SPAG17: variants seen among roughly 807,000 people sequenced by gnomAD.
The protein encoded by SPAG17 is sperm-associated antigen 17.
In SPAG17, 169 loss-of-function variants were observed where a neutral mutation model predicts 273.6. The ratio of observed to expected loss-of-function variants is 0.62; its 90% CI spans 0.55 to 0.70. The LOEUF (loss-of-function observed/expected upper bound fraction) is 0.70. Among genes scored for constraint, SPAG17 ranks in the 30% least tolerant of loss-of-function variants. The pLI, the probability that SPAG17 is intolerant of heterozygous loss-of-function variation, is 0.00. For missense variants in SPAG17, 2,557 were observed against 2,627.8 expected (o/e 0.97, Z 0.59); for synonymous variants, 825 against 873.2 (o/e 0.94, Z 0.97).
intron 4 of SPAG17, among the ~76,000 whole-genome samples, chr1:118,107,181 C>T (rs971994134): frequency 6.6e-6 from 1 of 152,150 alleles, no homozygotes; most frequent in African/African-American, 2.4e-5. Context: ...GGTCTGACTT[C>T]AAACCCTAAA....
rs183709573 is a variant in SPAG17, at chr1:117,954,130, C to T, written c.*1-81G>A. 6.2e-5 allele frequency: 97 copies of T among 1,556,174 alleles called. No individual in the cohort carries two copies. The African/African-American group carries it at 1.0e-3, about 17-fold the overall frequency. ...AAGAGAGTACAGTAAGTTACAGTATCAATAAAGGGAATTCCCAAGGAGAAA... is the reference window on the plus strand; with the variant it reads ...AAGAGAGTACAGTAAGTTACAGTATTAATAAAGGGAATTCCCAAGGAGAAA... On this transcript the variant is annotated intron_variant, in intron 48 of 48. Transcript: ENST00000336338.
Position 118,053,432 on chromosome 1 carries a change from A to G in SPAG17, c.2814+570T>C, listed in dbSNP as rs567636040. Among the ~76,000 whole-genome samples the G allele has an allele frequency of 1.2e-3, 175 of 152,168 alleles. 2 individuals carry two copies. Among genetic ancestry groups the G allele is most frequent in the African/African-American group, 4.0e-3 (166 of 41,546 alleles). On this transcript the variant is annotated intron_variant, in intron 20 of 48. Coordinates refer to ENST00000336338, the MANE Select transcript of SPAG17 (RefSeq NM_206996.4). ...AGGAATAATTAAGTAGGTGACTGAA[A>G]CAGAACACAACATTCAAAATTGAAT...
chr1:118,085,220 A>G (rs1320592624), intron 13 of SPAG17, among the ~76,000 whole-genome samples: 1 of 152,198 alleles, frequency 6.6e-6, no homozygotes. Context: ...AATTAAAAAA[A>G]GAAAGAACTG....
intron 18 of SPAG17, among the ~76,000 whole-genome samples, chr1:118,065,421 A>G (rs1652849492): frequency 6.6e-6 from 1 of 152,160 alleles, no homozygotes; most frequent in African/African-American, 2.4e-5. Flanking sequence ...ATGAAAAAAT[A>G]AAAATAAAAA....
intron 28 of SPAG17, among the ~76,000 whole-genome samples, chr1:118,019,247 T>C (rs1429278108): frequency 6.6e-6 from 1 of 152,106 alleles, no homozygotes; most frequent in East Asian, 1.9e-4. Flanking sequence ...ATGCATACTT[T>C]ATGTGATTCC....
chr1:118,166,867 C>CA (rs1558057959), intron 1 of SPAG17, among the ~76,000 whole-genome samples: 1 of 151,898 alleles, frequency 6.6e-6, no homozygotes, highest in Admixed American at 6.6e-5. Context: ...ATACGTTTTC[C>CA]AAAAAGTTTG....
At chr1:118,181,392 G>A (rs1660934174) in intron 1 of SPAG17, among the ~76,000 whole-genome samples, 1 of 152,030 alleles carries the variant, frequency 6.6e-6, no homozygotes, top group Non-Finnish European at 1.5e-5. Flanking sequence ...AGTATATGCT[G>A]TGTGCAGAGA....
At chr1:118,157,274 G>A (rs1342454098) in intron 1 of SPAG17, among the ~76,000 whole-genome samples, 3 of 152,222 alleles carry the variant, frequency 2.0e-5, no homozygotes, top group Non-Finnish European at 2.9e-5. Flanking sequence ...ATATTAAGGA[G>A]GGCAAAGCAG....
intron 10 of SPAG17, among the ~76,000 whole-genome samples, chr1:118,090,308 G>A (rs942969275): frequency 1.3e-5 from 2 of 152,146 alleles, no homozygotes; most frequent in African/African-American, 2.4e-5. Context: ...GAAGCCTCAG[G>A]AAATTTGAAT....
rs529302424 is a variant in SPAG17, at chr1:118,114,951, A to G, written c.447+359T>C. ...AACTATCTTAAATAGTTAGACCCGAACTGTGAGGGTTCCCCCCAACTGTCC... is the reference window on the plus strand; with the variant it reads ...AACTATCTTAAATAGTTAGACCCGAGCTGTGAGGGTTCCCCCCAACTGTCC... On this transcript the variant is annotated intron_variant, in intron 4 of 48. Transcript: ENST00000336338. Among the ~76,000 whole-genome samples the G allele has an allele frequency of 3.6e-4, 55 of 152,192 alleles. No individual in the cohort carries two copies. In the South Asian group the frequency reaches 4.4e-3, roughly 12 times the overall value.
chr1:118,113,506 G>T (rs544694354), intron 4 of SPAG17, among the ~76,000 whole-genome samples: 2 of 152,094 alleles, frequency 1.3e-5, no homozygotes, highest in South Asian at 4.2e-4. Flanking sequence ...TTTCCCGATT[G>T]TATTCCATTC....
intron 21 of SPAG17, 64 bp downstream of exon 21, chr1:118,041,739 C>T (rs1462496033): frequency 1.9e-5 from 29 of 1,550,256 alleles, no homozygotes; most frequent in South Asian, 5.1e-5. Context: ...TTATAATAAC[C>T]GTATTTTCCC....
chr1:117,975,020 A>G (rs74798287), intron 43 of SPAG17, among the ~76,000 whole-genome samples: 2,315 of 152,248 alleles, frequency 0.015, 45 homozygotes, highest in African/African-American at 0.043. Flanking sequence ...AAGCCCAGTC[A>G]ATGAGGGCCC....
At position 117,984,730 on chromosome 1, in the gene SPAG17, T is replaced by C. The variant is rs759983120; in HGVS notation, c.5722A>G (p.Ile1908Val). ...NYLMDIKNRI[I>V]PPFFKSELNQ... Reference sequence around the variant, plus strand: ...AATTCAGATTTAAAAAAGGGTGGTATTATGCGGTTCTTAATATCCATTAGG... The same window carrying C: ...AATTCAGATTTAAAAAAGGGTGGTACTATGCGGTTCTTAATATCCATTAGG... The change falls in exon 41 of 49, where the codon ATA becomes GTA. Residue 1908 changes from isoleucine to valine, a missense_variant. Coordinates refer to ENST00000336338, the MANE Select transcript of SPAG17 (RefSeq NM_206996.4). 6.8e-6 allele frequency: 11 copies of C among 1,611,574 alleles called. No homozygotes were observed.
At chr1:117,985,379 C>T (rs918882400) in intron 40 of SPAG17, among the ~76,000 whole-genome samples, 20 of 152,080 alleles carry the variant, frequency 1.3e-4, no homozygotes, top group African/African-American at 4.8e-4. Context: ...TTAAAGAGGG[C>T]TGACTCAACT....
chr1:118,115,308 A>T lies in SPAG17; in HGVS notation c.447+2T>A. 6.2e-7 allele frequency: 1 copy of T among 1,613,074 alleles called. No homozygotes were observed. Among genetic ancestry groups the T allele is most frequent in the Non-Finnish European group, 8.5e-7 (1 of 1,179,322 alleles). On this transcript the variant is annotated splice_donor_variant, in intron 4 of 48. Coordinates refer to ENST00000336338, the MANE Select transcript of SPAG17 (RefSeq NM_206996.4). LOFTEE classifies it high-confidence loss of function. ...TAGAAAACCCACCAGATCGTACAGT[A>T]CCTTCTTTTCATTTTCCCGTCGCTG...
intron 1 of SPAG17, among the ~76,000 whole-genome samples, chr1:118,157,710 CA>C (rs757333655): frequency 8.5e-5 from 13 of 152,164 alleles, no homozygotes; most frequent in Non-Finnish European, 1.8e-4. Context: ...CTCAGTAAAC[CA>C]GCTGTGTGTC....
At position 117,963,812 on chromosome 1, in the gene SPAG17, AC is replaced by A. The variant is rs1011796332; in HGVS notation, c.6658del (p.Val2220PhefsTer63). ...TACTTACTGTACCTAATGTGGAGAAACTTTACGAGACATGAAGACTCCAAGT... is the reference window on the plus strand; with the variant it reads ...TACTTACTGTACCTAATGTGGAGAAATTTACGAGACATGAAGACTCCAAGT... ...STLGVFMSRK[V>X]SPH On this transcript the variant is annotated frameshift_variant, in exon 48 of 49. Coordinates refer to ENST00000336338, the MANE Select transcript of SPAG17 (RefSeq NM_206996.4). LOFTEE classifies it high-confidence loss of function. The A allele has an allele frequency of 6.2e-6, 10 of 1,612,214 alleles. No individual in the cohort carries two copies. The highest frequency in any genetic ancestry group is 3.4e-5 in the Admixed American group (2 of 59,694).
rs952487347 is a variant in SPAG17 at position 117,996,504 on chromosome 1, T to G, written c.4923-4A>C. The G allele has an allele frequency of 6.2e-7, 1 of 1,608,766 alleles. No homozygotes were observed. The highest frequency in any genetic ancestry group is 1.1e-5 in the South Asian group (1 of 90,224). On this transcript the variant is annotated splice_polypyrimidine_tract_variant and splice_region_variant and intron_variant, in intron 33 of 48. Transcript: ENST00000336338. ...ATCAGCATACATAACAAAAAACCTA[T>G]TTGAAGAAATAAAAATATAATCACT...
Sources: allele counts gnomAD v4.1 joint callset (sites outside exome capture counted in the v4.1 genomes callset), GRCh38; gene constraint gnomAD v4.1.1; transcripts MANE v1.5; gene names NCBI Gene and HGNC (gene_info 2026-07-23, HGNC 2026-07-21).